The following TRABD2B variants were observed in gnomAD, a reference collection of about 807,000 sequenced individuals.
TRABD2B encodes TraB domain containing 2B.
A neutral mutation model predicts 40.1 loss-of-function variants in TRABD2B; 14 were observed. The ratio of observed to expected loss-of-function variants is 0.35; its 90% CI spans 0.23 to 0.55. TRABD2B has a LOEUF of 0.55. Ranked by LOEUF, TRABD2B falls within the 20% of genes least tolerant of loss-of-function variation. The pLI is 0.90. For synonymous variants in TRABD2B, 263 were observed against 277.0 expected (o/e 0.95, Z 0.50); for missense variants, 541 against 648.6 (o/e 0.83, Z 1.80).
chr1:47,772,989 G>C (rs1035778213), intron 6 of TRABD2B, among the ~76,000 whole-genome samples: 3 of 152,248 alleles, frequency 2.0e-5, no homozygotes, highest in African/African-American at 7.2e-5. Flanking sequence ...CTGAAATCAG[G>C]CTCTGTGTTT....
intron 2 of TRABD2B, among the ~76,000 whole-genome samples, chr1:47,894,597 G>C (rs967299618): frequency 7.2e-5 from 11 of 152,152 alleles, no homozygotes; most frequent in African/African-American, 2.7e-4. Context: ...AGTCAGGAAG[G>C]CTTCTCTGAG....
chr1:47,826,254 C>T (rs1645172581), intron 2 of TRABD2B, among the ~76,000 whole-genome samples: 1 of 152,096 alleles, frequency 6.6e-6, no homozygotes, highest in South Asian at 2.1e-4. Context: ...GTTGAAAGGA[C>T]ATTTCTAATT....
intron 2 of TRABD2B, among the ~76,000 whole-genome samples, chr1:47,820,780 CACCACA>C: frequency 1.2e-5 from 1 of 82,096 alleles, no homozygotes; most frequent in African/African-American, 4.9e-5. Context: ...AGTTCACACA[CACCACA>C]CACACACACA....
At chr1:47,768,300 G>A (rs1025892272) in intron 6 of TRABD2B, among the ~76,000 whole-genome samples, 16 of 150,736 alleles carry the variant, frequency 1.1e-4, no homozygotes, top group African/African-American at 3.4e-4. Flanking sequence ...CAGGGATGGC[G>A]TTTCTGAGTA....
chr1:47,996,919 T>G lies in TRABD2B; in HGVS notation c.-130A>C. On this transcript the variant is annotated 5_prime_UTR_variant, in exon 1 of 7. Coordinates refer to ENST00000606738, the MANE Select transcript of TRABD2B (RefSeq NM_001194986.2). The surrounding 1 kb of genome is among the most constrained non-coding windows in gnomAD (Gnocchi z 4.6). ...CAGCCGCAGGATGCTGGGCGCCCTC[T>G]GGGGCGTGGCTGACTGTCCCTGTCG... 3 of 1,122,910 alleles carry G rather than the reference T, an allele frequency of 2.7e-6. No individual in the cohort carries two copies. Among genetic ancestry groups the G allele is most frequent in the Non-Finnish European group, 3.3e-6 (3 of 919,224 alleles). 69.6% of individuals were successfully genotyped at this position (1,122,910 alleles called of 1,614,324 possible).
At chr1:47,797,573 A>G (rs1644764917) in intron 3 of TRABD2B, among the ~76,000 whole-genome samples, 1 of 152,134 alleles carries the variant, frequency 6.6e-6, no homozygotes. Flanking sequence ...AAAAATTAAC[A>G]AGGACAAGAA....
intron 2 of TRABD2B, among the ~76,000 whole-genome samples, chr1:47,895,871 C>T (rs948052557): frequency 5.9e-5 from 9 of 152,358 alleles, no homozygotes; most frequent in Non-Finnish European, 1.3e-4. Context: ...CCTGCCTCCT[C>T]GTACTAGTGT....
At chr1:47,851,805 A>G (rs1229421552) in intron 2 of TRABD2B, among the ~76,000 whole-genome samples, 1 of 152,202 alleles carries the variant, frequency 6.6e-6, no homozygotes, top group African/African-American at 2.4e-5. Context: ...GGGCCTTCCC[A>G]TTGGTTCTGT....
intron 6 of TRABD2B, 26 bp downstream of exon 6, chr1:47,775,144 G>A (rs1644426811): frequency 8.1e-7 from 1 of 1,232,928 alleles, no homozygotes. Flanking sequence ...CCCAGCTCCT[G>A]GGCAGACCTG....
At chr1:47,809,379 A>G (rs941505146) in intron 2 of TRABD2B, among the ~76,000 whole-genome samples, 2 of 152,184 alleles carry the variant, frequency 1.3e-5, no homozygotes, top group African/African-American at 4.8e-5. Flanking sequence ...TGTAGGATGA[A>G]TAAGTGAATG....
At chr1:47,797,607 A>G (rs768870385) in intron 3 of TRABD2B, among the ~76,000 whole-genome samples, 19 of 152,192 alleles carry the variant, frequency 1.2e-4, no homozygotes, top group Admixed American at 2.0e-4. Flanking sequence ...GTTTAAAGCC[A>G]TGAAGGAAAC....
intron 2 of TRABD2B, among the ~76,000 whole-genome samples, chr1:47,922,923 G>GA (rs1358018872): frequency 1.1e-4 from 16 of 152,208 alleles, no homozygotes; most frequent in Non-Finnish European, 1.5e-4. Flanking sequence ...CAGCTAAAGT[G>GA]AAAGATCCTG....
intron 2 of TRABD2B, among the ~76,000 whole-genome samples, chr1:47,950,551 CAG>C (rs1645327726): frequency 6.6e-6 from 1 of 152,120 alleles, no homozygotes; most frequent in African/African-American, 2.4e-5. Flanking sequence ...GAGAGGCAGA[CAG>C]AGAGCACAGA....
intron 2 of TRABD2B, among the ~76,000 whole-genome samples, chr1:47,893,340 G>A (rs1464544782): frequency 2.0e-5 from 3 of 152,146 alleles, no homozygotes; most frequent in Non-Finnish European, 4.4e-5. Flanking sequence ...AGAACCTCTG[G>A]GGGGCCAGGC....
intron 3 of TRABD2B, among the ~76,000 whole-genome samples, chr1:47,799,800 A>C (rs1422850620): frequency 6.6e-6 from 1 of 151,942 alleles, no homozygotes; most frequent in Non-Finnish European, 1.5e-5. Context: ...ATCTTGCAAA[A>C]ATCTTTCCTT....
intron 2 of TRABD2B, among the ~76,000 whole-genome samples, chr1:47,967,477 C>T (rs775607286): frequency 2.3e-4 from 35 of 152,206 alleles, no homozygotes; most frequent in Non-Finnish European, 4.3e-4. Flanking sequence ...ATACACTTGA[C>T]TCCTAGAACA....
chr1:47,964,850 T>C (rs750986722), intron 2 of TRABD2B, among the ~76,000 whole-genome samples: 1 of 151,912 alleles, frequency 6.6e-6, no homozygotes, highest in Non-Finnish European at 1.5e-5. Flanking sequence ...GGCCAGGCAC[T>C]GCATAAGTCA....
intron 2 of TRABD2B, among the ~76,000 whole-genome samples, chr1:47,942,505 A>C (rs967590972): frequency 6.6e-6 from 1 of 152,154 alleles, no homozygotes; most frequent in African/African-American, 2.4e-5. Context: ...GTTCCTCTGC[A>C]TGACTCAAAG....
rs113365038 is a variant in TRABD2B, at chr1:47,977,680, G to GAAA, written c.666+16351_666+16353dup. 8.4e-4 allele frequency among the ~76,000 whole-genome samples: 110 copies of GAAA among 131,530 alleles called. 1 individual carries two copies. In the East Asian group the frequency reaches 0.018, roughly 21 times the overall value. The allele number at this position is 131,530 out of a possible 152,430, so 86.3% of individuals were successfully genotyped here. On this transcript the variant is annotated intron_variant, in intron 2 of 6. Transcript: ENST00000606738. ...TCTTGAGCACAAGAATGGCCGGGAT[G>GAAA]AAAAAAAAAAAAAAACACACAGGAA... is the stretch of plus-strand genomic sequence containing the variant.
Sources: allele counts gnomAD v4.1 joint callset (sites outside exome capture counted in the v4.1 genomes callset), GRCh38; gene constraint gnomAD v4.1.1; non-coding constraint Gnocchi (gnomAD v3.1); transcripts MANE v1.5; gene names NCBI Gene and HGNC (gene_info 2026-07-23, HGNC 2026-07-21).